Variants in RBFOX3 observed in about 807,000 individuals in gnomAD.
The protein encoded by RBFOX3 is RNA binding fox-1 homolog 3.
RBFOX3 carries 17 observed loss-of-function variants against 48.7 expected under a neutral mutation model. That is an observed-to-expected ratio of 0.35 (90% CI 0.24 to 0.52). The LOEUF is 0.52. RBFOX3 is among the 20% of genes least tolerant of loss of function. The pLI, the probability that RBFOX3 is intolerant of heterozygous loss-of-function variation, is 0.94. For synonymous variants in RBFOX3, 212 were observed against 209.5 expected, an observed-to-expected ratio of 1.01 and a Z score of -0.10; for missense variants, 382 against 497.5, an observed-to-expected ratio of 0.77 and a Z score of 2.21.
At position 79,214,705 on chromosome 17, in the gene RBFOX3, G is replaced by T. The variant is rs547384023; in HGVS notation, c.-34+21061C>A. On this transcript the variant is annotated intron_variant, in intron 4 of 14. Coordinates refer to ENST00000693108, the MANE Select transcript of RBFOX3 (RefSeq NM_001350451.2). This position sits in a 1 kb window ranked among gnomAD's most constrained non-coding sequence, Gnocchi z 4.7. ...GGGTGGCCATCTGGGAAGCCCAGGA[G>T]GGGAGGCTGGAGGCCCAGGGGCCCC... Among the ~76,000 whole-genome samples, 1 of 152,038 alleles carries T rather than the reference G, an allele frequency of 6.6e-6. No individual in the cohort carries two copies. Among genetic ancestry groups the T allele is most frequent in the Non-Finnish European group, 1.5e-5 (1 of 67,970 alleles).
intron 4 of RBFOX3, among the ~76,000 whole-genome samples, chr17:79,207,646 GC>G (rs2057694521): frequency 6.6e-6 from 1 of 152,208 alleles, no homozygotes; most frequent in African/African-American, 2.4e-5. Context: ...TTTGGAACAC[GC>G]CCTCCTCTCG....
At chr17:79,652,452 AAGAGAG>A in the RBFOX3 span, among the ~76,000 whole-genome samples, 8 of 147,006 alleles carry the variant, frequency 5.4e-5, no homozygotes, top group East Asian at 6.0e-4. Flanking sequence ...TCTGGAAAGA[AAGAGAG>A]AGAGAGAGAG....
chr17:79,129,589 G>A (rs1227791571), intron 4 of RBFOX3, among the ~76,000 whole-genome samples: 1 of 152,212 alleles, frequency 6.6e-6, no homozygotes, highest in Non-Finnish European at 1.5e-5. Flanking sequence ...CCACCTCTGT[G>A]CTTGACACTG....
chr17:79,418,460 G>A lies in RBFOX3; in HGVS notation c.-175+63994C>T, dbSNP rs574616381. Among the ~76,000 whole-genome samples the A allele has an allele frequency of 2.0e-5, 3 of 152,336 alleles. No homozygotes were observed. In the East Asian group the frequency reaches 5.8e-4, roughly 29 times the overall value. On this transcript the variant is annotated intron_variant, in intron 2 of 14. Coordinates refer to ENST00000693108, the MANE Select transcript of RBFOX3 (RefSeq NM_001350451.2). This position sits in a 1 kb window ranked among gnomAD's most constrained non-coding sequence, Gnocchi z 5.0. ...TAAAGAAGGATTCACACCGTGCCAC[G>A]CGAGAAAGCCGTGTGTGTCAGCCAA...
chr17:79,544,548 C>T (rs2090137321), intron 1 of RBFOX3, among the ~76,000 whole-genome samples: 1 of 152,048 alleles, frequency 6.6e-6, no homozygotes, highest in South Asian at 2.1e-4. Flanking sequence ...GAAGTCCACT[C>T]CTCCCGTCGG....
chr17:79,388,435 T>A (rs538149210), intron 2 of RBFOX3, among the ~76,000 whole-genome samples: 4 of 152,354 alleles, frequency 2.6e-5, no homozygotes, highest in Non-Finnish European at 5.9e-5. Context: ...GTTCCCTACT[T>A]CTTCCAACAC....
the RBFOX3 span, among the ~76,000 whole-genome samples, chr17:79,638,831 C>T: frequency 0.098 from 14,885 of 152,242 alleles, 1,551 homozygotes; most frequent in African/African-American, 0.26. Context: ...CTCCCCTTCA[C>T]CTTCTACATG....
intron 1 of RBFOX3, among the ~76,000 whole-genome samples, chr17:79,595,438 C>T (rs1023369689): frequency 6.6e-6 from 1 of 152,240 alleles, no homozygotes; most frequent in South Asian, 2.1e-4. Context: ...CAGGTCCACA[C>T]GCTTTAGGAT....
rs116900265 is a variant in RBFOX3, at chr17:79,198,692, C to T, written c.-34+37074G>A. ...TCAAGCTGGAGTGCAGTGGCATGAT[C>T]TAGGCTCGTTGCAACCTCCACCTTC... On this transcript the variant is annotated intron_variant, in intron 4 of 14. Coordinates refer to ENST00000693108, the MANE Select transcript of RBFOX3 (RefSeq NM_001350451.2). This position sits in a 1 kb window ranked among gnomAD's most constrained non-coding sequence, Gnocchi z 8.2. Among the ~76,000 whole-genome samples, 1 of 151,550 alleles carries T rather than the reference C, an allele frequency of 6.6e-6. No homozygotes were observed. The highest frequency in any genetic ancestry group is 1.9e-4 in the East Asian group (1 of 5,150).
intron 1 of RBFOX3, among the ~76,000 whole-genome samples, chr17:79,491,731 A>G (rs1356539480): frequency 2.0e-5 from 3 of 152,158 alleles, no homozygotes; most frequent in Non-Finnish European, 4.4e-5. Context: ...GGTGTCATTT[A>G]TCGCATTATT....
chr17:79,605,556 G>A (rs969167500), intron 1 of RBFOX3, among the ~76,000 whole-genome samples: 6 of 152,122 alleles, frequency 3.9e-5, no homozygotes, highest in Non-Finnish European at 8.8e-5. Context: ...GTAGGGAGAC[G>A]GCCAGGTACA....
chr17:79,598,357 C>T (rs982301210), intron 1 of RBFOX3: 2 of 150,446 alleles, frequency 1.3e-5, no homozygotes, highest in African/African-American at 4.9e-5. Context: ...CACATACATG[C>T]ACACATGTGC....
At chr17:79,539,287 G>A (rs892816306) in intron 1 of RBFOX3, among the ~76,000 whole-genome samples, 5 of 152,176 alleles carry the variant, frequency 3.3e-5, no homozygotes, top group Admixed American at 6.5e-5. Flanking sequence ...AGGGGGTCAC[G>A]GCTGCAGTGA....
intron 4 of RBFOX3, among the ~76,000 whole-genome samples, chr17:79,167,883 C>T (rs1432204637): frequency 6.6e-6 from 1 of 152,214 alleles, no homozygotes; most frequent in African/African-American, 2.4e-5. Context: ...CCAGGGGAAG[C>T]ACAGAACCTC....
intron 2 of RBFOX3, among the ~76,000 whole-genome samples, chr17:79,310,291 GAGCCTGGGGGTCCA>G (rs931097775): frequency 1.3e-5 from 2 of 152,094 alleles, no homozygotes; most frequent in Admixed American, 1.3e-4. Context: ...CCAGATTCCT[GAGCCTGGGGGTCCA>G]GGCCCTTCAC....
chr17:79,097,231 A>C (rs1243587400), intron 11 of RBFOX3, 61 bp downstream of exon 11: 6 of 1,065,602 alleles, frequency 5.6e-6, no homozygotes, highest in Non-Finnish European at 7.2e-6. Flanking sequence ...GGGCCTCCCC[A>C]TTTCCCTCCT....
At chr17:79,627,841 G>A in the RBFOX3 span, among the ~76,000 whole-genome samples, 1 of 152,090 alleles carries the variant, frequency 6.6e-6, no homozygotes, top group African/African-American at 2.4e-5. Context: ...AGTGCCCCCT[G>A]CAAGGGCAGC....
At chr17:79,468,587 AATGG>A (rs797028492) in intron 2 of RBFOX3, among the ~76,000 whole-genome samples, 8 of 145,722 alleles carry the variant, frequency 5.5e-5, no homozygotes, top group Admixed American at 1.4e-4. Context: ...TGAATGAATG[AATGG>A]ATGGATGGAT....
chr17:79,231,059 C>G (rs1376239063), intron 4 of RBFOX3, among the ~76,000 whole-genome samples: 1 of 152,124 alleles, frequency 6.6e-6, no homozygotes, highest in Non-Finnish European at 1.5e-5. Context: ...AGCTGACTGT[C>G]TTGAGGAAGT....
Sources: allele counts gnomAD v4.1 joint callset (sites outside exome capture counted in the v4.1 genomes callset), GRCh38; gene constraint gnomAD v4.1.1; non-coding constraint Gnocchi (gnomAD v3.1); transcripts MANE v1.5; gene names NCBI Gene and HGNC (gene_info 2026-07-23, HGNC 2026-07-21).